FBP1: variants seen among roughly 807,000 people sequenced by gnomAD.
FBP1 encodes the protein fructose-bisphosphatase 1, also known as fructose-1,6-bisphosphatase 1.
Under a neutral mutation model 29.9 loss-of-function variants are expected in FBP1, and 22 were observed. The observed-to-expected ratio is 0.74, with a 90% CI of 0.53 to 1.05. The LOEUF is 1.05. FBP1 is among the 50% of genes least tolerant of loss of function. The pLI is 0.00. For missense variants in FBP1, 345 were observed against 448.2 expected (o/e 0.77, Z 2.08); for synonymous variants, 175 against 178.6 (o/e 0.98, Z 0.16).
chr9:94,617,444 G>A (rs1827880799), intron 3 of FBP1, among the ~76,000 whole-genome samples: 1 of 152,104 alleles, frequency 6.6e-6, no homozygotes, highest in South Asian at 2.1e-4. Context: ...TCTCAACTCT[G>A]AGTTCACATC....
intron 2 of FBP1, among the ~76,000 whole-genome samples, chr9:94,618,578 G>C (rs1202191153): frequency 6.6e-6 from 1 of 151,800 alleles, no homozygotes; most frequent in African/African-American, 2.4e-5. Flanking sequence ...CCAGGAGTTC[G>C]AGGCTGCAGT....
intron 1 of FBP1, among the ~76,000 whole-genome samples, chr9:94,625,144 GC>G (rs1461700468): frequency 1.0e-5 from 1 of 99,382 alleles, no homozygotes; most frequent in Non-Finnish European, 2.6e-5. Flanking sequence ...AACTTCTGTT[GC>G]CCCAGATCAT....
intron 3 of FBP1, among the ~76,000 whole-genome samples, chr9:94,616,418 C>A (rs1042952930): frequency 2.5e-5 from 2 of 81,368 alleles, no homozygotes; most frequent in South Asian, 4.1e-4. Flanking sequence ...TTTGTACCCC[C>A]CAAAGCTGTT....
intron 6 of FBP1, among the ~76,000 whole-genome samples, chr9:94,604,338 AT>A (rs1253928276): frequency 6.6e-6 from 1 of 152,198 alleles, no homozygotes; most frequent in East Asian, 1.9e-4. Context: ...ACAGGTTGAT[AT>A]GCCCGAGGCA....
intron 1 of FBP1, among the ~76,000 whole-genome samples, chr9:94,634,579 T>C (rs1828162936): frequency 6.6e-6 from 1 of 152,156 alleles, no homozygotes; most frequent in Non-Finnish European, 1.5e-5. Flanking sequence ...TGGACAACAC[T>C]CGAATTTGAC....
At position 94,639,285 on chromosome 9, in the gene FBP1, G is replaced by A. The variant is rs1408543588; in HGVS notation, c.26C>T (p.Thr9Met). 4 of 1,607,606 alleles carry A rather than the reference G, an allele frequency of 2.5e-6. No homozygotes were observed. Among genetic ancestry groups the A allele is most frequent in the South Asian group, 1.1e-5 (1 of 89,778 alleles). Reference protein sequence around the residue: MADQAPFDTDVNTLTRFVM... With the variant: MADQAPFDMDVNTLTRFVM... ...GAAGCGGGTCAGGGTGTTGACGTCC[G>A]TGTCGAAGGGCGCCTGGTCAGCCAT... Residue 9 changes from threonine to methionine, a missense_variant, in exon 1 of 7, where the codon ACG becomes ATG. By Grantham distance (81) the Thr-to-Met change is moderately conservative (BLOSUM62 -1). Coordinates refer to ENST00000375326, the MANE Select transcript of FBP1 (RefSeq NM_000507.4).
upstream of FBP1, among the ~76,000 whole-genome samples, chr9:94,639,689 C>A (rs1357262374): frequency 2.7e-5 from 4 of 150,640 alleles, no homozygotes; most frequent in South Asian, 2.1e-4. Flanking sequence ...CCCGCCCCCA[C>A]GCGCCCTGCC....
chr9:94,628,955 G>A (rs1828064114), intron 1 of FBP1, among the ~76,000 whole-genome samples: 1 of 152,036 alleles, frequency 6.6e-6, no homozygotes, highest in Non-Finnish European at 1.5e-5. Flanking sequence ...AATCTATTGG[G>A]TAATTTCAAT....
intron 3 of FBP1, among the ~76,000 whole-genome samples, chr9:94,615,411 G>C (rs1451976192): frequency 6.6e-6 from 1 of 151,976 alleles, no homozygotes; most frequent in Non-Finnish European, 1.5e-5. Flanking sequence ...GATGGAGAAT[G>C]GGCTTAGTAA....
At chr9:94,637,592 T>G (rs1388037917) in intron 1 of FBP1, among the ~76,000 whole-genome samples, 1 of 151,408 alleles carries the variant, frequency 6.6e-6, no homozygotes, top group Non-Finnish European at 1.5e-5. Context: ...GGTTTCACCA[T>G]GTTGATCAGG....
chr9:94,620,518 T>C, intron 1 of FBP1, 27 bp from the exon 2 acceptor site: 1 of 1,611,860 alleles, frequency 6.2e-7, no homozygotes, highest in Non-Finnish European at 8.5e-7. Context: ...CCACAAAAAA[T>C]AAGCCATGAC....
intron 1 of FBP1, among the ~76,000 whole-genome samples, chr9:94,623,485 A>T (rs1231291231): frequency 6.6e-6 from 1 of 152,186 alleles, no homozygotes; most frequent in Non-Finnish European, 1.5e-5. Flanking sequence ...GAGATGACAT[A>T]CACAAAAGGC....
intron 1 of FBP1, among the ~76,000 whole-genome samples, chr9:94,622,185 G>C (rs559449437): frequency 2.5e-4 from 38 of 152,316 alleles, no homozygotes; most frequent in Non-Finnish European, 3.2e-4. Context: ...TTGTCTAAAC[G>C]CAGCCTAGCT....
chr9:94,622,942 G>T (rs1447700944), intron 1 of FBP1, among the ~76,000 whole-genome samples: 1 of 152,034 alleles, frequency 6.6e-6, no homozygotes, highest in Non-Finnish European at 1.5e-5. Context: ...TTTCCAGCCT[G>T]AGAGTTGCAC....
chr9:94,623,010 A>G (rs1463488446), intron 1 of FBP1, among the ~76,000 whole-genome samples: 1 of 139,910 alleles, frequency 7.1e-6, no homozygotes, highest in Admixed American at 7.1e-5. Context: ...TTTTGGAGAC[A>G]GTGTCACTCT....
At chr9:94,617,720 A>G in intron 3 of FBP1, 48 bp downstream of exon 3, 1 of 1,264,076 alleles carries the variant, frequency 7.9e-7, no homozygotes, top group Non-Finnish European at 1.2e-6. Flanking sequence ...TGGATGCTCA[A>G]TCTTAACTTC....
chr9:94,626,440 G>T (rs537396108), intron 1 of FBP1, among the ~76,000 whole-genome samples: 1 of 152,102 alleles, frequency 6.6e-6, no homozygotes. Context: ...CCTCTGAGCC[G>T]CAGTGAGTTA....
intron 1 of FBP1, among the ~76,000 whole-genome samples, chr9:94,633,550 C>G (rs1301466586): frequency 6.6e-6 from 1 of 152,180 alleles, no homozygotes; most frequent in East Asian, 1.9e-4. Context: ...GGCAACTTTT[C>G]CAGAAACACT....
Position 94,604,287 on chromosome 9 carries a change from G to A in FBP1, c.826-715C>T, listed in dbSNP as rs145539740. 1.0e-3 allele frequency among the ~76,000 whole-genome samples: 157 copies of A among 152,176 alleles called. 1 individual carries two copies. Among genetic ancestry groups the A allele is most frequent in the African/African-American group, 3.6e-3 (149 of 41,516 alleles). On this transcript the variant is annotated intron_variant, in intron 6 of 6. Transcript: ENST00000375326. The stretch of plus-strand genomic sequence containing the variant: ...AATATTTGTGTTCAGGAACAATTTC[G>A]GGGGACTTTAGAGAAAAGTGCTGGA...
Sources: allele counts gnomAD v4.1 joint callset (sites outside exome capture counted in the v4.1 genomes callset), GRCh38; gene constraint gnomAD v4.1.1; transcripts MANE v1.5; gene names NCBI Gene and HGNC (gene_info 2026-07-23, HGNC 2026-07-21).